PDZD8: variants seen among roughly 807,000 people sequenced by gnomAD.
PDZD8 encodes PDZ domain containing 8, also known as PDZ domain-containing protein 8.
In PDZD8, 14 loss-of-function variants were observed where a neutral mutation model predicts 85.8. The observed-to-expected ratio is 0.16, with a 90% CI of 0.11 to 0.26. The LOEUF (loss-of-function observed/expected upper bound fraction) is 0.26, where lower values mean the gene tolerates loss of function less well. PDZD8 is among the 10% of genes least tolerant of loss of function. PDZD8 has a pLI of 1.00. For synonymous variants in PDZD8, 592 were observed against 568.6 expected (o/e 1.04, Z -0.59); for missense variants, 1,197 against 1,424.3 (o/e 0.84, Z 2.57).
At chr10:117,315,586 TCAAAAAAAAAAAA>T (rs1844110704) in intron 3 of PDZD8, among the ~76,000 whole-genome samples, 1 of 41,466 alleles carries the variant, frequency 2.4e-5, no homozygotes, top group African/African-American at 1.6e-4. Flanking sequence ...CTAGACTCTC[TCAAAAAAAAAAAA>T]AAAAAAAAAA....
At chr10:117,320,167 A>C (rs1203661593) in intron 2 of PDZD8, among the ~76,000 whole-genome samples, 1 of 152,164 alleles carries the variant, frequency 6.6e-6, no homozygotes, top group Non-Finnish European at 1.5e-5. Flanking sequence ...TATTATCAAA[A>C]AGAAGGCAGT....
At chr10:117,292,214 G>T (rs1329114675) in intron 3 of PDZD8, among the ~76,000 whole-genome samples, 1 of 151,980 alleles carries the variant, frequency 6.6e-6, no homozygotes, top group Non-Finnish European at 1.5e-5. Context: ...TCAAGAAATG[G>T]GATATGTGGT....
At chr10:117,369,676 A>C (rs1168040741) in intron 1 of PDZD8, among the ~76,000 whole-genome samples, 1 of 152,156 alleles carries the variant, frequency 6.6e-6, no homozygotes, top group Non-Finnish European at 1.5e-5. Flanking sequence ...TAAGCACAGC[A>C]AATAAGGGGG....
At chr10:117,296,205 A>G (rs186603153) in intron 3 of PDZD8, among the ~76,000 whole-genome samples, 3 of 152,014 alleles carry the variant, frequency 2.0e-5, no homozygotes, top group Admixed American at 6.5e-5. Flanking sequence ...TATAAATTAT[A>G]GAATATATGG....
rs148069855 is a variant in PDZD8, at chr10:117,284,376, T to A, written c.2357A>T (p.Tyr786Phe). ...MQKGFNDKFC[Y>F]GDITIHFKYL... Reference sequence around the variant, plus strand: ...TTTGAAGTGAATAGTAATGTCACCATAGCAAAATTTGTCATTGAATCCCTT... The same window carrying A: ...TTTGAAGTGAATAGTAATGTCACCAAAGCAAAATTTGTCATTGAATCCCTT... Residue 786 changes from tyrosine (Y) to phenylalanine (F), a missense_variant, in exon 5 of 5, where the codon TAT becomes TTT. Tyr to Phe is a conservative substitution (Grantham distance 22). Transcript: ENST00000334464. The A allele has an allele frequency of 6.2e-6, 10 of 1,614,100 alleles. No individual in the cohort carries two copies. The highest frequency in any genetic ancestry group is 8.5e-6 in the Non-Finnish European group (10 of 1,180,030).
chr10:117,347,950 A>G (rs1844737925), intron 1 of PDZD8, among the ~76,000 whole-genome samples: 1 of 152,196 alleles, frequency 6.6e-6, no homozygotes, highest in South Asian at 2.1e-4. Context: ...GGGGTAGGTA[A>G]GGGATTAGGA....
chr10:117,350,747 C>A (rs1184448405), intron 1 of PDZD8, among the ~76,000 whole-genome samples: 1 of 151,244 alleles, frequency 6.6e-6, no homozygotes, highest in Non-Finnish European at 1.5e-5. Flanking sequence ...ACTAAAAATA[C>A]AAAAAAATTA....
intron 1 of PDZD8, among the ~76,000 whole-genome samples, chr10:117,370,465 G>A (rs1337004254): frequency 6.6e-6 from 1 of 152,188 alleles, no homozygotes; most frequent in East Asian, 1.9e-4. Flanking sequence ...GTTATGTAAT[G>A]ATTACAAATG....
At chr10:117,370,599 T>G (rs1845171607) in intron 1 of PDZD8, among the ~76,000 whole-genome samples, 1 of 152,184 alleles carries the variant, frequency 6.6e-6, no homozygotes. Flanking sequence ...CCCAGCACTT[T>G]GGGAGGCCGA....
intron 1 of PDZD8, among the ~76,000 whole-genome samples, chr10:117,346,062 G>C (rs1178895772): frequency 6.6e-6 from 1 of 151,918 alleles, no homozygotes; most frequent in African/African-American, 2.4e-5. Flanking sequence ...CCAATATGAT[G>C]AAATCCCGTC....
Position 117,374,981 on chromosome 10 carries a change from CCGCGGTGGGGGT to C in PDZD8, c.235_246del (p.Thr79_Ala82del), listed in dbSNP as rs1564718396. 1.9e-6 allele frequency: 3 copies of C among 1,598,620 alleles called. No homozygotes were observed. Among genetic ancestry groups the C allele is most frequent in the South Asian group, 1.1e-5 (1 of 89,846 alleles). On this transcript the variant is annotated inframe_deletion, in exon 1 of 5. Transcript: ENST00000334464. The surrounding 1 kb of genome is among the most constrained non-coding windows in gnomAD (Gnocchi z 7.8). ...GTCGGCGGGGCGGGGGTCTCGGGGG[CCGCGGTGGGGGT>C]CGCGCCGCCCTCAGGGGCCGCTCCG...
chr10:117,356,936 G>T (rs1844905501), intron 1 of PDZD8, among the ~76,000 whole-genome samples: 1 of 152,006 alleles, frequency 6.6e-6, no homozygotes, highest in Non-Finnish European at 1.5e-5. Context: ...TTAAAATATA[G>T]CATGTTATTA....
chr10:117,291,036 G>A (rs117646192), intron 3 of PDZD8, among the ~76,000 whole-genome samples: 4,859 of 151,242 alleles, frequency 0.032, 87 homozygotes, highest in South Asian at 0.039. Context: ...CGCCTGGCAA[G>A]TTTTTGTATT....
In PDZD8 at chr10:117,374,963, G is replaced by A. The variant is rs576400066; in HGVS notation, c.265C>T (p.Pro89Ser). 8.3e-5 allele frequency: 133 copies of A among 1,608,956 alleles called. 1 individual carries two copies. In the African/African-American group the frequency reaches 1.7e-3, roughly 20 times the overall value. ...AAGTAGCAAGTCTCCCGCGTCGGCG[G>A]GGCGGGGGTCTCGGGGGCCGCGGTG... ...TPTAAPETPA[P>S]PTRETCYFLN... The change falls in exon 1 of 5, where the codon CCG (proline) becomes TCG (serine). Residue 89 changes from proline (P) to serine (S), a missense_variant. By Grantham distance (74) the Pro-to-Ser change is moderately conservative. This residue lies in a region of PDZD8 where 172 missense variants were observed against 137.8 expected (regional missense o/e 1.25). Transcript: ENST00000334464. The surrounding 1 kb of genome is among the most constrained non-coding windows in gnomAD (Gnocchi z 7.8).
rs928229762 is a variant in PDZD8 at position 117,277,428 on chromosome 10, G to A, written c.*5840C>T. 5 of 430,278 alleles carry A rather than the reference G, an allele frequency of 1.2e-5. No homozygotes were observed. In the South Asian group the frequency reaches 2.2e-4, roughly 19 times the overall value. The allele number at this position is 430,278 out of a possible 1,614,324, so 26.7% of individuals were successfully genotyped here. On this transcript the variant is annotated 3_prime_UTR_variant, in exon 5 of 5. Transcript: ENST00000334464. ...CCATGGTTATGGTCGATTGCCAACA[G>A]CCTTATAAAGAAAAAGAAGCTTTTC... is the stretch of plus-strand genomic sequence containing the variant.
At chr10:117,296,363 T>C (rs898105533) in intron 3 of PDZD8, among the ~76,000 whole-genome samples, 2 of 152,016 alleles carry the variant, frequency 1.3e-5, no homozygotes, top group Admixed American at 6.6e-5. Flanking sequence ...TGAAAGAAGA[T>C]TTAAATAAAT....
chr10:117,305,388 G>A (rs1840187015), intron 3 of PDZD8, among the ~76,000 whole-genome samples: 1 of 151,762 alleles, frequency 6.6e-6, no homozygotes, highest in Non-Finnish European at 1.5e-5. Flanking sequence ...ACTCCAGCCT[G>A]GGCAACAGAG....
chr10:117,369,526 T>C (rs1845153421), intron 1 of PDZD8, among the ~76,000 whole-genome samples: 1 of 152,162 alleles, frequency 6.6e-6, no homozygotes, highest in South Asian at 2.1e-4. Context: ...AAAAGAAGGA[T>C]AAAAATGATC....
intron 2 of PDZD8, among the ~76,000 whole-genome samples, chr10:117,337,811 C>G (rs1429162733): frequency 6.6e-6 from 1 of 152,132 alleles, no homozygotes; most frequent in Non-Finnish European, 1.5e-5. Context: ...TGTAACTTGC[C>G]TAGTGACACT....
Sources: gnomAD v4.1 joint callset for allele counts (sites outside exome capture counted in the v4.1 genomes callset) on GRCh38, gnomAD v4.1.1 for gene constraint, gnomAD v4.1.1 regional missense constraint, Gnocchi (gnomAD v3.1) non-coding constraint, MANE v1.5 for transcripts, NCBI Gene and HGNC (gene_info 2026-07-23, HGNC 2026-07-21) for gene names.